Variants in AUTS2 observed in about 807,000 individuals in gnomAD.
AUTS2 encodes autism susceptibility gene 2 protein.
Under a neutral mutation model 112.4 loss-of-function variants are expected in AUTS2, and 17 were observed. The ratio of observed to expected loss-of-function variants is 0.15; its 90% confidence interval spans 0.10 to 0.23. The LOEUF is 0.23. Among genes scored for constraint, AUTS2 ranks in the 10% least tolerant of loss-of-function variants. The probability of loss-of-function intolerance (pLI) is 1.00; values close to 1 mark genes in which losing one functional copy is unlikely to be tolerated. For missense variants in AUTS2, 1,510 were observed against 1,701.6 expected, an observed-to-expected ratio of 0.89 and a Z score of 1.98; for synonymous variants, 751 against 702.7, an observed-to-expected ratio of 1.07 and a Z score of -1.09.
chr7:69,713,935 C>T lies in AUTS2; in HGVS notation c.309+113973C>T, dbSNP rs1430118168. On this transcript the variant is annotated intron_variant, in intron 1 of 18. Transcript: ENST00000342771. Reference sequence around the variant, plus strand: ...CCAGTTTGTTCTTTTATGGAGTATGCTTTTGGTCTCATAACTAAGAAATCT... The same window carrying T: ...CCAGTTTGTTCTTTTATGGAGTATGTTTTTGGTCTCATAACTAAGAAATCT... Among the ~76,000 whole-genome samples, 9 of 152,118 alleles carry T rather than the reference C, an allele frequency of 5.9e-5. No individual in the cohort carries two copies. In the South Asian group the frequency reaches 1.7e-3, roughly 28 times the overall value.
chr7:70,591,609 G>A (rs551989956), intron 5 of AUTS2, among the ~76,000 whole-genome samples: 1 of 152,214 alleles, frequency 6.6e-6, no homozygotes, highest in African/African-American at 2.4e-5. Flanking sequence ...ATGTTGGCTA[G>A]GCTGGTCTCA....
At chr7:70,321,100 A>G (rs966177114) in intron 4 of AUTS2, among the ~76,000 whole-genome samples, 4 of 152,168 alleles carry the variant, frequency 2.6e-5, no homozygotes, top group Admixed American at 2.6e-4. Flanking sequence ...CCATGTTATC[A>G]TGTTTAATCT....
At chr7:70,325,918 C>T (rs1262297306) in intron 4 of AUTS2, among the ~76,000 whole-genome samples, 1 of 152,186 alleles carries the variant, frequency 6.6e-6, no homozygotes, top group Non-Finnish European at 1.5e-5. Context: ...CACCATGGGC[C>T]TCAGCTCTGA....
At chr7:70,152,859 T>A (rs996644350) in intron 4 of AUTS2, among the ~76,000 whole-genome samples, 8 of 152,164 alleles carry the variant, frequency 5.3e-5, no homozygotes, top group African/African-American at 1.9e-4. Context: ...AATGACTGAC[T>A]ACAGCAAGTG....
At chr7:70,711,003 A>T (rs1585550606) in intron 6 of AUTS2, among the ~76,000 whole-genome samples, 1 of 152,238 alleles carries the variant, frequency 6.6e-6, no homozygotes, top group Admixed American at 6.5e-5. Flanking sequence ...GTAAAGAGGC[A>T]GCTTGAGAAT....
chr7:69,955,869 A>C (rs1797191425), intron 2 of AUTS2, among the ~76,000 whole-genome samples: 1 of 152,152 alleles, frequency 6.6e-6, no homozygotes, highest in African/African-American at 2.4e-5. Flanking sequence ...GGTATGCTCA[A>C]GTTATTGCTC....
intron 4 of AUTS2, among the ~76,000 whole-genome samples, chr7:70,194,167 T>C (rs948488628): frequency 1.1e-4 from 16 of 152,176 alleles, no homozygotes; most frequent in African/African-American, 3.6e-4. Flanking sequence ...CCCAGCACTT[T>C]GGGAGGTCAA....
At position 70,514,604 on chromosome 7, in the gene AUTS2, A is replaced by C. The variant is rs369496218; in HGVS notation, c.690+78823A>C. ...CCGTCCCTATGACCCAGCACCTCCC[A>C]CTAGGCCCCGCCTCCAACACTGGGG... On this transcript the variant is annotated intron_variant, in intron 5 of 18. Coordinates refer to ENST00000342771, the MANE Select transcript of AUTS2 (RefSeq NM_015570.4). Among the ~76,000 whole-genome samples the C allele has an allele frequency of 6.6e-5, 10 of 152,332 alleles. No homozygotes were observed. The East Asian group carries it at 1.7e-3, about 26-fold the overall frequency.
At chr7:70,407,952 G>A (rs893811829) in intron 4 of AUTS2, among the ~76,000 whole-genome samples, 2 of 151,890 alleles carry the variant, frequency 1.3e-5, no homozygotes, top group African/African-American at 4.8e-5. Context: ...TACTCGGGAG[G>A]CTGAGATAGG....
intron 4 of AUTS2, among the ~76,000 whole-genome samples, chr7:70,179,804 C>G (rs1404938843): frequency 6.6e-6 from 1 of 152,122 alleles, no homozygotes; most frequent in Non-Finnish European, 1.5e-5. Flanking sequence ...TGCTAGGATT[C>G]ATGCTTTGGT....
rs1792579912 is a variant in AUTS2 at position 70,366,592 on chromosome 7, T to C, written c.661-69160T>C. On this transcript the variant is annotated intron_variant, in intron 4 of 18. Transcript: ENST00000342771. Reference sequence around the variant, plus strand: ...TTAAGCAGAAGACTAAAAATCAGATTTGGATATCAGTGAGGTGATGCTGAT... The same window carrying C: ...TTAAGCAGAAGACTAAAAATCAGATCTGGATATCAGTGAGGTGATGCTGAT... Among the ~76,000 whole-genome samples, 2 of 152,092 alleles carry C rather than the reference T, an allele frequency of 1.3e-5. 1 individual carries two copies. Among genetic ancestry groups the C allele is most frequent in the Non-Finnish European group, 2.9e-5 (2 of 68,012 alleles).
At chr7:70,532,512 G>A (rs1800139400) in intron 5 of AUTS2, among the ~76,000 whole-genome samples, 1 of 152,140 alleles carries the variant, frequency 6.6e-6, no homozygotes, top group African/African-American at 2.4e-5. Context: ...TGAGAACAGG[G>A]TCGATACCAG....
intron 1 of AUTS2, among the ~76,000 whole-genome samples, chr7:69,608,781 T>C (rs1234040266): frequency 6.6e-6 from 1 of 152,238 alleles, no homozygotes; most frequent in South Asian, 2.1e-4. Flanking sequence ...TGATTTTATA[T>C]AGTTGACATT....
At chr7:70,460,543 G>T (rs1048539555) in intron 5 of AUTS2, among the ~76,000 whole-genome samples, 5 of 151,786 alleles carry the variant, frequency 3.3e-5, no homozygotes, top group African/African-American at 1.2e-4. Flanking sequence ...TAGAGATGGG[G>T]TTTCACCATG....
At chr7:69,628,867 C>A (rs1335105299) in intron 1 of AUTS2, among the ~76,000 whole-genome samples, 1 of 152,122 alleles carries the variant, frequency 6.6e-6, no homozygotes, top group Non-Finnish European at 1.5e-5. Flanking sequence ...TCTTATTATC[C>A]TCATTTTACA....
intron 4 of AUTS2, among the ~76,000 whole-genome samples, chr7:70,347,059 TCTC>T (rs1562897066): frequency 6.6e-6 from 1 of 152,166 alleles, no homozygotes; most frequent in Non-Finnish European, 1.5e-5. Flanking sequence ...GCCTGTGTCT[TCTC>T]CTTCCAGCCA....
intron 6 of AUTS2, among the ~76,000 whole-genome samples, chr7:70,756,716 A>T (rs980726882): frequency 6.6e-6 from 1 of 152,208 alleles, no homozygotes; most frequent in Non-Finnish European, 1.5e-5. Flanking sequence ...GGAGATTCAG[A>T]TACCTGGAGC....
chr7:70,128,990 A>G (rs1342746057), intron 3 of AUTS2, among the ~76,000 whole-genome samples: 1 of 152,204 alleles, frequency 6.6e-6, no homozygotes, highest in East Asian at 1.9e-4. Flanking sequence ...GTATGACCTT[A>G]ATTAGGTACA....
intron 1 of AUTS2, among the ~76,000 whole-genome samples, chr7:69,706,036 C>T (rs1263405712): frequency 6.6e-6 from 1 of 152,200 alleles, no homozygotes. Context: ...AGGACTTCAA[C>T]CTACAAATTT....
Sources: allele counts gnomAD v4.1 joint callset (sites outside exome capture counted in the v4.1 genomes callset), GRCh38; gene constraint gnomAD v4.1.1; transcripts MANE v1.5; gene names NCBI Gene and HGNC (gene_info 2026-07-23, HGNC 2026-07-21).